The following SLC25A48 variants were observed in gnomAD, a reference collection of about 807,000 sequenced individuals.
The protein encoded by SLC25A48 is solute carrier family 25 member 48.
Under a neutral mutation model 32.2 loss-of-function variants are expected in SLC25A48, and 29 were observed. That is an observed-to-expected ratio of 0.90 (90% CI 0.67 to 1.23). SLC25A48 has a LOEUF of 1.23. SLC25A48 is among the 50% of genes most tolerant of loss of function. The pLI is 0.00. For missense variants in SLC25A48, 399 were observed against 422.7 expected, an observed-to-expected ratio of 0.94 and a Z score of 0.49; for synonymous variants, 164 against 172.3, an observed-to-expected ratio of 0.95 and a Z score of 0.38.
chr5:135,856,043 T>C (rs1162675835), intron 4 of SLC25A48, among the ~76,000 whole-genome samples: 4 of 152,224 alleles, frequency 2.6e-5, no homozygotes, highest in Non-Finnish European at 5.9e-5. Context: ...AGGCACTTGC[T>C]GTGCAGAGCA....
chr5:135,647,868 C>G (rs539585577), intron 3 of SLC25A48, among the ~76,000 whole-genome samples: 11 of 152,108 alleles, frequency 7.2e-5, no homozygotes, highest in Non-Finnish European at 1.3e-4. Flanking sequence ...TCTCTGGGAG[C>G]ACTGCTTGGA....
intron 4 of SLC25A48, 28 bp from the exon 5 acceptor site, chr5:135,871,433 T>C: frequency 6.4e-7 from 1 of 1,560,876 alleles, no homozygotes; most frequent in Non-Finnish European, 8.7e-7. Context: ...CTGGGTCACT[T>C]GCCACCTTCT....
At chr5:135,771,647 G>T (rs1267341336) in intron 3 of SLC25A48, among the ~76,000 whole-genome samples, 1 of 151,512 alleles carries the variant, frequency 6.6e-6, no homozygotes, top group Non-Finnish European at 1.5e-5. Context: ...CTATGATATT[G>T]TTTGCAATAT....
chr5:135,742,483 A>G (rs1755522454), intron 3 of SLC25A48: 1 of 1,580,552 alleles, frequency 6.3e-7, no homozygotes, highest in African/African-American at 1.4e-5. Context: ...CTGCTAGGCC[A>G]TGGGCAAGGT....
intron 1 of SLC25A48, among the ~76,000 whole-genome samples, chr5:135,840,140 G>A (rs1464960856): frequency 1.3e-5 from 2 of 152,104 alleles, no homozygotes; most frequent in African/African-American, 2.4e-5. Flanking sequence ...CTGTGAAAAG[G>A]TACAGTGTAT....
At chr5:135,737,631 G>C (rs1227941534) in intron 3 of SLC25A48, among the ~76,000 whole-genome samples, 1 of 152,146 alleles carries the variant, frequency 6.6e-6, no homozygotes, top group African/African-American at 2.4e-5. Flanking sequence ...TTGTGACTCA[G>C]GTGCAGCTTC....
chr5:135,687,931 A>T (rs912979711), intron 3 of SLC25A48, among the ~76,000 whole-genome samples: 1 of 120,216 alleles, frequency 8.3e-6, no homozygotes, highest in African/African-American at 3.1e-5. Context: ...AACCATATTA[A>T]CCATTTTAAG....
At chr5:135,763,790 C>CACAT (rs1554072856) in intron 3 of SLC25A48, among the ~76,000 whole-genome samples, 2 of 151,198 alleles carry the variant, frequency 1.3e-5, no homozygotes, top group Non-Finnish European at 3.0e-5. Context: ...CACACACACA[C>CACAT]GAGAGAGAGA....
At chr5:135,861,332 CA>C (rs1760777680) in intron 4 of SLC25A48, among the ~76,000 whole-genome samples, 4 of 152,008 alleles carry the variant, frequency 2.6e-5, no homozygotes, top group Non-Finnish European at 4.4e-5. Flanking sequence ...CACACACACA[CA>C]CACACACACT....
At chr5:135,668,950 T>TGTGTCTCCCACACA (rs1753586358) in intron 3 of SLC25A48, among the ~76,000 whole-genome samples, 1 of 152,098 alleles carries the variant, frequency 6.6e-6, no homozygotes, top group Non-Finnish European at 1.5e-5. Context: ...ATGTCATAGC[T>TGTGTCTCCCACACA]CAGTGAGGGA....
chr5:135,877,145 T>A (rs1243269609), intron 6 of SLC25A48, among the ~76,000 whole-genome samples: 1 of 152,164 alleles, frequency 6.6e-6, no homozygotes, highest in Non-Finnish European at 1.5e-5. Flanking sequence ...GTCCATGGAC[T>A]TGTCGAGGCA....
chr5:135,605,111 T>C (rs1751902564), intron 1 of SLC25A48, among the ~76,000 whole-genome samples: 2 of 152,274 alleles, frequency 1.3e-5, no homozygotes, highest in Non-Finnish European at 2.9e-5. Flanking sequence ...ATTTTCTTTA[T>C]ATGTATGCAC....
chr5:135,700,232 T>C (rs6596258), intron 3 of SLC25A48, among the ~76,000 whole-genome samples: 119,621 of 151,086 alleles, frequency 0.79, 47,662 homozygotes, highest in Middle Eastern at 0.87. Flanking sequence ...ATCAGCCGGG[T>C]CTGGTGGCGT....
intron 4 of SLC25A48, among the ~76,000 whole-genome samples, chr5:135,866,995 T>C (rs1415198536): frequency 6.6e-6 from 1 of 152,186 alleles, no homozygotes; most frequent in African/African-American, 2.4e-5. Flanking sequence ...GTTTTTGAGG[T>C]ACGTAATCCA....
intron 4 of SLC25A48, chr5:135,826,668 G>T (rs1377588341): frequency 6.6e-6 from 1 of 152,172 alleles, no homozygotes. Context: ...CATAATCATG[G>T]GTTGTAGACA....
At chr5:135,583,726 A>G (rs1316894746) in intron 1 of SLC25A48, among the ~76,000 whole-genome samples, 2 of 151,832 alleles carry the variant, frequency 1.3e-5, no homozygotes, top group African/African-American at 4.8e-5. Flanking sequence ...CCCCATCACC[A>G]CTCATGACAT....
chr5:135,608,232 C>G (rs1342991319), intron 1 of SLC25A48, among the ~76,000 whole-genome samples: 1 of 152,120 alleles, frequency 6.6e-6, no homozygotes, highest in Non-Finnish European at 1.5e-5. Flanking sequence ...TTTATATGCT[C>G]AAGACTATCT....
intron 2 of SLC25A48, among the ~76,000 whole-genome samples, chr5:135,631,278 A>C (rs747755701): frequency 1.3e-5 from 2 of 152,230 alleles, no homozygotes; most frequent in African/African-American, 2.4e-5. Context: ...CTTCATTCAA[A>C]GTATTGATTG....
chr5:135,706,746 G>A (rs1754520765), intron 3 of SLC25A48, among the ~76,000 whole-genome samples: 2 of 152,154 alleles, frequency 1.3e-5, no homozygotes, highest in South Asian at 4.2e-4. Flanking sequence ...CCTCCCTCAA[G>A]CCACTGATGT....
Sources: gnomAD v4.1 joint callset for allele counts (sites outside exome capture counted in the v4.1 genomes callset) on GRCh38, gnomAD v4.1.1 for gene constraint, MANE v1.5 for transcripts, NCBI Gene and HGNC (gene_info 2026-07-23, HGNC 2026-07-21) for gene names.